ZP3: variants seen among roughly 807,000 people sequenced by gnomAD.
ZP3 encodes zona pellucida sperm-binding protein 3.
Under a neutral mutation model 35.6 loss-of-function variants are expected in ZP3, and 21 were observed. The ratio of observed to expected loss-of-function variants is 0.59; its 90% CI spans 0.42 to 0.85. ZP3 has a LOEUF of 0.85. Among genes scored for constraint, ZP3 ranks in the 40% least tolerant of loss-of-function variants. The pLI is 0.00. For synonymous variants in ZP3, 207 were observed against 214.5 expected, an observed-to-expected ratio of 0.96 and a Z score of 0.31; for missense variants, 437 against 536.5, an observed-to-expected ratio of 0.81 and a Z score of 1.83.
chr7:76,436,045 T>TCCC (rs1805995484), intron 5 of ZP3, among the ~76,000 whole-genome samples: 4 of 37,994 alleles, frequency 1.1e-4, no homozygotes, highest in Admixed American at 6.0e-4. Context: ...TTTTTTTTTT[T>TCCC]TTTTTTTTTT....
chr7:76,422,774 A>G (rs4728722), upstream of ZP3, among the ~76,000 whole-genome samples: 94,297 of 150,620 alleles, frequency 0.63, 30,294 homozygotes, highest in African/African-American at 0.77. Flanking sequence ...GAGGAGGGAG[A>G]ATCACTTGAG....
intron 1 of ZP3, 88 bp downstream of exon 1, chr7:76,425,364 G>T: frequency 7.2e-7 from 1 of 1,397,360 alleles, no homozygotes; most frequent in Non-Finnish European, 9.6e-7. Context: ...GTGGGAGGTG[G>T]GGTTGGGTGG....
exon 1 of ZP3, chr7:76,397,660 G>A (rs1000614248): frequency 6.2e-7 from 1 of 1,613,648 alleles, no homozygotes; most frequent in African/African-American, 1.3e-5. Context: ...AGCCGAAGAA[G>A]GCGTTGGTGG....
At position 76,429,586 on chromosome 7, in the gene ZP3, C is replaced by T. The variant is rs754066676; in HGVS notation, c.384C>T (p.Ile128=). ...HDPRPVGNLS[I]VRTNRAEIPI... ...CCCGCCCCGTGGGAAACCTGTCCATCGTGAGGACTAACCGCGCAGAGATTC... is the reference window on the plus strand; with the variant it reads ...CCCGCCCCGTGGGAAACCTGTCCATTGTGAGGACTAACCGCGCAGAGATTC... Residue 128 remains isoleucine (I), a synonymous_variant, in exon 2 of 8, where the codon ATC becomes ATT. Coordinates refer to ENST00000394857, the MANE Select transcript of ZP3 (RefSeq NM_001110354.2). 7 of 1,613,990 alleles carry T rather than the reference C, an allele frequency of 4.3e-6. No individual in the cohort carries two copies. The highest frequency in any genetic ancestry group is 3.3e-5 in the South Asian group (3 of 91,092).
At position 76,424,998 on chromosome 7, in the gene ZP3, C is replaced by T; in HGVS notation, c.34C>T (p.Leu12=). The T allele has an allele frequency of 1.3e-6, 2 of 1,558,900 alleles. No individual in the cohort carries two copies. The highest frequency in any genetic ancestry group is 1.7e-6 in the Non-Finnish European group (2 of 1,153,002). ...GAGCTATAGGCTCTTCATCTGCCTC[C>T]TGCTCTGGGGTAGTACTGAGCTGTG... The part of the protein sequence containing the change: ...ELSYRLFICL[L]LWGSTELCYP... Residue 12 remains leucine, a synonymous_variant, in exon 1 of 8, where the codon CTG becomes TTG. Transcript: ENST00000394857.
Position 76,424,956 on chromosome 7 carries a change from G to C in ZP3, c.-9G>C, listed in dbSNP as rs2115880937. 6.6e-7 allele frequency: 1 copy of C among 1,521,554 alleles called. No homozygotes were observed. Among genetic ancestry groups the C allele is most frequent in the African/African-American group, 1.4e-5 (1 of 72,764 alleles). The allele number at this position is 1,521,554 out of a possible 1,614,324, so 94.3% of individuals were successfully genotyped here. ...GCCAGAGGCGGCTGCCTGCTGCTCT[G>C]CAGGTACCATGGAGCTGAGCTATAG... On this transcript the variant is annotated 5_prime_UTR_variant, in exon 1 of 8. Coordinates refer to ENST00000394857, the MANE Select transcript of ZP3 (RefSeq NM_001110354.2).
chr7:76,441,563 A>G lies in ZP3; in HGVS notation c.1061-279A>G, dbSNP rs560166285. Among the ~76,000 whole-genome samples, 60 of 151,266 alleles carry G rather than the reference A, an allele frequency of 4.0e-4. 1 individual carries two copies. The highest frequency in any genetic ancestry group is 1.5e-3 in the African/African-American group (60 of 41,164). On this transcript the variant is annotated intron_variant, in intron 7 of 7. Transcript: ENST00000394857. ...GCCACCATGCCCAGTTAACTTTTTT[A>G]TTTTCAGTAGAGACGGGTCTTGCCG...
chr7:76,436,343 G>A (rs1157480816), intron 5 of ZP3, among the ~76,000 whole-genome samples: 3 of 152,064 alleles, frequency 2.0e-5, no homozygotes, highest in African/African-American at 7.2e-5. Flanking sequence ...CACTGTACCC[G>A]GCCTGCTAGC....
intron 1 of ZP3, among the ~76,000 whole-genome samples, chr7:76,399,050 C>T (rs1173007769): frequency 1.3e-5 from 2 of 152,118 alleles, no homozygotes; most frequent in African/African-American, 4.8e-5. Flanking sequence ...CTTGCTCTGT[C>T]GCTCAGGCTG....
At chr7:76,401,117 C>A in intron 1 of ZP3, 3 of 1,471,448 alleles carry the variant, frequency 2.0e-6, no homozygotes, top group Middle Eastern at 1.8e-4. Context: ...ACACACCCCC[C>A]AACTCCCACA....
upstream of ZP3, among the ~76,000 whole-genome samples, chr7:76,421,498 C>T (rs1267518560): frequency 6.6e-6 from 1 of 152,074 alleles, no homozygotes; most frequent in Non-Finnish European, 1.5e-5. Flanking sequence ...AAGCAATCCT[C>T]CCACCTTAGC....
intron 1 of ZP3, among the ~76,000 whole-genome samples, chr7:76,416,713 C>T (rs764235542): frequency 6.6e-6 from 1 of 151,612 alleles, no homozygotes; most frequent in Non-Finnish European, 1.5e-5. Flanking sequence ...ATGGGAGAGT[C>T]GCTTAAGCCT....
intron 1 of ZP3, among the ~76,000 whole-genome samples, chr7:76,407,675 G>A (rs561547606): frequency 2.6e-4 from 39 of 152,238 alleles, no homozygotes; most frequent in Admixed American, 9.2e-4. Context: ...CAAGGCTGCA[G>A]TTAGCCATGA....
At position 76,433,577 on chromosome 7, in the gene ZP3, G is replaced by A. The variant is rs1000614217; in HGVS notation, c.643G>A (p.Asp215Asn). Residue 215 changes from aspartate (D) to asparagine (N), a missense_variant, in exon 4 of 8, where the codon GAC becomes AAC. Physicochemically the swap from Asp to Asn is conservative, Grantham distance 23. This residue lies in a region of ZP3 where 352 missense variants were observed against 308.4 expected (regional missense o/e 1.14). Coordinates refer to ENST00000394857, the MANE Select transcript of ZP3 (RefSeq NM_001110354.2). ...GSHVPLRLFV[D>N]HCVATPTPDQ... ...CCACGTGCCACTGCGGTTGTTTGTG[G>A]ACCACTGCGTGGCCACACCGACACC... is the stretch of plus-strand genomic sequence containing the variant. 1 of 1,614,184 alleles carries A rather than the reference G, an allele frequency of 6.2e-7. No homozygotes were observed. Among genetic ancestry groups the A allele is most frequent in the Non-Finnish European group, 8.5e-7 (1 of 1,180,030 alleles).
At chr7:76,422,490 C>A (rs2115871115), upstream of ZP3, among the ~76,000 whole-genome samples, 1 of 151,658 alleles carries the variant, frequency 6.6e-6, no homozygotes, top group African/African-American at 2.4e-5. Context: ...ACCAGCCTGA[C>A]CAACATGGTG....
chr7:76,436,030 C>CATTTTT (rs1805991993), intron 5 of ZP3, among the ~76,000 whole-genome samples: 2 of 74,248 alleles, frequency 2.7e-5, no homozygotes, highest in Non-Finnish European at 5.1e-5. Flanking sequence ...CCCCCGCCCC[C>CATTTTT]TTTTTTTTTT....
intron 1 of ZP3, among the ~76,000 whole-genome samples, chr7:76,416,803 T>A (rs1367309176): frequency 7.0e-6 from 1 of 143,232 alleles, no homozygotes; most frequent in Non-Finnish European, 1.6e-5. Context: ...TGTCTCTCTC[T>A]CTCTCTCTCT....
At chr7:76,426,768 G>A (rs1390036817) in intron 1 of ZP3, among the ~76,000 whole-genome samples, 2 of 151,758 alleles carry the variant, frequency 1.3e-5, no homozygotes, top group African/African-American at 4.8e-5. Flanking sequence ...GTGCAATGGC[G>A]CCTATAATCC....
intron 1 of ZP3, among the ~76,000 whole-genome samples, chr7:76,411,035 T>G (rs370449876): frequency 1.4e-5 from 2 of 139,938 alleles, no homozygotes; most frequent in Non-Finnish European, 3.1e-5. Flanking sequence ...AAATACTTGA[T>G]GGAAGGCTGC....
Sources: allele counts gnomAD v4.1 joint callset (sites outside exome capture counted in the v4.1 genomes callset), GRCh38; gene constraint gnomAD v4.1.1; regional missense constraint gnomAD v4.1.1; transcripts MANE v1.5; gene names NCBI Gene and HGNC (gene_info 2026-07-23, HGNC 2026-07-21).